Variants in LHPP observed in about 807,000 individuals in gnomAD.
LHPP encodes hLHPP.
In LHPP, 24 loss-of-function variants were observed where a neutral mutation model predicts 30.3. The observed-to-expected ratio is 0.79, with a 90% CI of 0.57 to 1.11. LHPP has a LOEUF of 1.11. Ranked by LOEUF, LHPP falls within the 50% of genes most tolerant of loss-of-function variation. The pLI, the probability that LHPP is intolerant of heterozygous loss-of-function variation, is 0.00. For missense variants in LHPP, 356 were observed against 367.2 expected (o/e 0.97, Z 0.25); for synonymous variants, 150 against 157.1 (o/e 0.95, Z 0.34).
chr10:124,570,301 G>T (rs981630457), intron 6 of LHPP, among the ~76,000 whole-genome samples: 54 of 152,100 alleles, frequency 3.6e-4, no homozygotes, highest in African/African-American at 1.3e-3. Context: ...CTTAATTTGG[G>T]TCCCTCTGGT....
intron 6 of LHPP, among the ~76,000 whole-genome samples, chr10:124,543,101 CAG>C (rs781061119): frequency 3.3e-5 from 5 of 152,328 alleles, no homozygotes; most frequent in African/African-American, 4.8e-5. Context: ...CTGTACCTGT[CAG>C]GGGGCTGGAT....
In LHPP at chr10:124,478,638, G is replaced by A. The variant is rs993295529; in HGVS notation, c.126-5501G>A. On this transcript the variant is annotated intron_variant, in intron 1 of 6. Transcript: ENST00000368842. The surrounding 1 kb of genome is among the most constrained non-coding windows in gnomAD (Gnocchi z 4.7). ...GCAGATGCCAACAGCCAGCAGATGT[G>A]GAGAGTCCGAGGTGATTTGTAAGGG... Among the ~76,000 whole-genome samples the A allele has an allele frequency of 6.6e-6, 1 of 152,242 alleles. No individual in the cohort carries two copies. Among genetic ancestry groups the A allele is most frequent in the African/African-American group, 2.4e-5 (1 of 41,470 alleles).
chr10:124,586,414 C>T (rs1948804316), intron 6 of LHPP, among the ~76,000 whole-genome samples: 1 of 152,216 alleles, frequency 6.6e-6, no homozygotes, highest in Non-Finnish European at 1.5e-5. Flanking sequence ...CCTGCCCCAA[C>T]ATGTGATCCA....
At chr10:124,466,213 C>T (rs1254948) in intron 1 of LHPP, among the ~76,000 whole-genome samples, 47,795 of 152,058 alleles carry the variant, frequency 0.31, 8,002 homozygotes, top group East Asian at 0.45. Flanking sequence ...AGTACCTTGT[C>T]TATAGACATA....
chr10:124,489,646 G>T (rs1364831924), intron 3 of LHPP, among the ~76,000 whole-genome samples: 38 of 152,210 alleles, frequency 2.5e-4, no homozygotes, highest in African/African-American at 8.2e-4. Context: ...TAGAGGCGGG[G>T]TTTCACCATG....
intron 6 of LHPP, among the ~76,000 whole-genome samples, chr10:124,594,283 TCATGCCATTG>T: frequency 8.1e-6 from 1 of 123,352 alleles, no homozygotes; most frequent in East Asian, 2.7e-4. Flanking sequence ...TGAGCCAAGA[TCATGCCATTG>T]CACTCCAGCC....
chr10:124,488,688 C>T (rs1252381071), intron 3 of LHPP, 113 bp downstream of exon 3: 11 of 850,110 alleles, frequency 1.3e-5, no homozygotes, highest in Admixed American at 2.7e-5. Flanking sequence ...GGAGGAGCAC[C>T]GGTGATCTTC....
chr10:124,481,036 G>T (rs1953108851), intron 1 of LHPP, among the ~76,000 whole-genome samples: 1 of 151,984 alleles, frequency 6.6e-6, no homozygotes, highest in Admixed American at 6.6e-5. Context: ...CAGTCAGTCA[G>T]TCATTCAGCA....
At chr10:124,589,333 A>G (rs967628663) in intron 6 of LHPP, among the ~76,000 whole-genome samples, 2 of 152,154 alleles carry the variant, frequency 1.3e-5, no homozygotes, top group Non-Finnish European at 2.9e-5. Context: ...CCAACCACAA[A>G]AGCTTCCACT....
intron 2 of LHPP, among the ~76,000 whole-genome samples, chr10:124,484,923 G>T (rs965575594): frequency 1.6e-4 from 25 of 152,156 alleles, no homozygotes; most frequent in African/African-American, 6.0e-4. Context: ...GAAGCAGAAG[G>T]AACAATATTA....
chr10:124,596,682 G>C lies in LHPP; in HGVS notation c.717-16582G>C, dbSNP rs144666517. Among the ~76,000 whole-genome samples the C allele has an allele frequency of 1.1e-4, 17 of 152,336 alleles. No individual in the cohort carries two copies. The East Asian group carries it at 3.1e-3, about 28-fold the overall frequency. Reference sequence around the variant, plus strand: ...GAGCAGCCTGGCCTATGAGCAGGGGGACACCATGAAGCTGGGTGGACGGGT... The same window carrying C: ...GAGCAGCCTGGCCTATGAGCAGGGGCACACCATGAAGCTGGGTGGACGGGT... On this transcript the variant is annotated intron_variant, in intron 6 of 6. Transcript: ENST00000368842. This position sits in a 1 kb window ranked among gnomAD's most constrained non-coding sequence, Gnocchi z 4.6.
chr10:124,526,036 A>C (rs920185606), intron 6 of LHPP: 4 of 299,254 alleles, frequency 1.3e-5, no homozygotes, highest in African/African-American at 9.1e-5. Context: ...GCAGCCTCCC[A>C]ACCCCAGGAA....
chr10:124,465,630 C>T (rs886791307), intron 1 of LHPP, among the ~76,000 whole-genome samples: 1 of 150,758 alleles, frequency 6.6e-6, no homozygotes, highest in Admixed American at 6.6e-5. Context: ...TGTGTGATCT[C>T]GGCTCACTGC....
chr10:124,544,404 C>T (rs1319000673), intron 6 of LHPP, among the ~76,000 whole-genome samples: 2 of 152,188 alleles, frequency 1.3e-5, no homozygotes, highest in African/African-American at 4.8e-5. Flanking sequence ...CTGGCAGGGG[C>T]CATGGCAACG....
At chr10:124,506,269 C>CCCCG (rs1262776314) in intron 5 of LHPP, among the ~76,000 whole-genome samples, 1 of 125,030 alleles carries the variant, frequency 8.0e-6, no homozygotes, top group Non-Finnish European at 1.7e-5. Flanking sequence ...ACAAACCCCC[C>CCCCG]CCCCACCCCG....
intron 1 of LHPP, among the ~76,000 whole-genome samples, chr10:124,469,437 G>A (rs998935317): frequency 1.3e-5 from 2 of 152,080 alleles, no homozygotes; most frequent in South Asian, 2.1e-4. Flanking sequence ...CAGTCACCCC[G>A]CATCGAGGGA....
intron 1 of LHPP, among the ~76,000 whole-genome samples, chr10:124,466,160 GTC>G (rs1267406467): frequency 6.9e-6 from 1 of 144,766 alleles, no homozygotes; most frequent in Non-Finnish European, 1.5e-5. Context: ...TTTAGGGTCT[GTC>G]TGTTTATACA....
chr10:124,539,140 T>C (rs1955112574), intron 6 of LHPP, among the ~76,000 whole-genome samples: 2 of 152,154 alleles, frequency 1.3e-5, no homozygotes, highest in Admixed American at 6.5e-5. Flanking sequence ...CCCCAAGTTT[T>C]TCCTGTGGCT....
chr10:124,486,396 C>A (rs1351178338), intron 2 of LHPP, among the ~76,000 whole-genome samples: 2 of 152,148 alleles, frequency 1.3e-5, no homozygotes, highest in Non-Finnish European at 2.9e-5. Context: ...CAGTGCTACC[C>A]CCAGGCTGAA....
Sources: allele counts gnomAD v4.1 joint callset (sites outside exome capture counted in the v4.1 genomes callset), GRCh38; gene constraint gnomAD v4.1.1; non-coding constraint Gnocchi (gnomAD v3.1); transcripts MANE v1.5; gene names NCBI Gene and HGNC (gene_info 2026-07-23, HGNC 2026-07-21).